The following PXK variants were observed in gnomAD, a reference collection of about 807,000 sequenced individuals.
PXK encodes PX domain-containing protein kinase-like protein.
A neutral mutation model predicts 84.7 loss-of-function variants in PXK; 35 were observed. The ratio of observed to expected loss-of-function variants is 0.41; its 90% CI spans 0.32 to 0.55. The LOEUF is 0.55. PXK is among the 20% of genes least tolerant of loss of function. The pLI, the probability that PXK is intolerant of heterozygous loss-of-function variation, is 0.21. For synonymous variants in PXK, 253 were observed against 260.8 expected (o/e 0.97, Z 0.29); for missense variants, 634 against 699.7 (o/e 0.91, Z 1.06).
chr3:58,372,633 T>C (rs1375890370), intron 3 of PXK, among the ~76,000 whole-genome samples: 150 of 149,656 alleles, frequency 1.0e-3, no homozygotes, highest in Non-Finnish European at 1.4e-3. Flanking sequence ...TTTTCTAAAG[T>C]TTTTTTTTTT....
chr3:58,420,254 G>A (rs1197294836), intron 17 of PXK, among the ~76,000 whole-genome samples: 1 of 152,020 alleles, frequency 6.6e-6, no homozygotes, highest in Non-Finnish European at 1.5e-5. Context: ...TATCTAACTG[G>A]CTCAGAGGAC....
At chr3:58,365,481 T>A (rs2098256419) in intron 1 of PXK, among the ~76,000 whole-genome samples, 1 of 152,244 alleles carries the variant, frequency 6.6e-6, no homozygotes, top group Non-Finnish European at 1.5e-5. Context: ...GCTCTATAAA[T>A]GCTAATTAAA....
intron 12 of PXK, among the ~76,000 whole-genome samples, chr3:58,403,041 G>GT (rs1371905952): frequency 7.2e-6 from 1 of 138,684 alleles, no homozygotes; most frequent in African/African-American, 2.7e-5. Flanking sequence ...GTCTTGCTCT[G>GT]TTGCCCAGGC....
At chr3:58,378,482 C>T (rs1576291473) in intron 3 of PXK, among the ~76,000 whole-genome samples, 2 of 93,494 alleles carry the variant, frequency 2.1e-5, no homozygotes, top group African/African-American at 8.5e-5. Context: ...ATTTGGACTT[C>T]ATTTTTCTTC....
At chr3:58,357,917 G>A (rs2098118879) in intron 1 of PXK, among the ~76,000 whole-genome samples, 1 of 151,686 alleles carries the variant, frequency 6.6e-6, no homozygotes. Context: ...GCCACTGCAT[G>A]CCACTGCATG....
intron 4 of PXK, among the ~76,000 whole-genome samples, chr3:58,386,917 G>A (rs1261633674): frequency 6.6e-6 from 1 of 152,158 alleles, no homozygotes; most frequent in Non-Finnish European, 1.5e-5. Context: ...GTGGACTCTG[G>A]GATATAAAAA....
rs1164831050 is a variant in PXK at position 58,414,540 on chromosome 3, A to G, written c.1528+1577A>G. ...TGAGAGAAAAAAAGAGGAATCTTGT[A>G]TAATTAGAGTCAATGTTGGGAAAAC... is the stretch of plus-strand genomic sequence containing the variant. On this transcript the variant is annotated intron_variant, in intron 17 of 17. Transcript: ENST00000356151. This position sits in a 1 kb window ranked among gnomAD's most constrained non-coding sequence, Gnocchi z 4.5. The G allele has an allele frequency of 6.6e-6, 1 of 152,214 alleles. No individual in the cohort carries two copies. The highest frequency in any genetic ancestry group is 1.5e-5 in the Non-Finnish European group (1 of 68,048). The allele number at this position is 152,214 out of a possible 1,614,324, so 9.4% of individuals were successfully genotyped here.
intron 13 of PXK, 48 bp from the exon 14 acceptor site, chr3:58,408,875 AT>A: frequency 7.2e-7 from 1 of 1,392,180 alleles, no homozygotes. Context: ...ACTTGGAAGT[AT>A]CTCCAGCCAC....
rs200635746 is a variant in PXK, at chr3:58,382,594, A to C, written c.282A>C (p.Lys94Asn). Residue 94 changes from lysine to asparagine, a missense_variant, in exon 4 of 18, where the codon AAA becomes AAC. By Grantham distance (94) the Lys-to-Asn change is moderately conservative. This residue lies in a region of PXK where 353 missense variants were observed against 385.2 expected (regional missense o/e 0.92). Transcript: ENST00000356151. ...MDREFIAERQ[K>N]GLQNYLNVIT... ...GTGAATTCATAGCTGAAAGGCAGAA[A>C]GGTCTTCAGAACTATCTCAACGTGA... is the stretch of plus-strand genomic sequence containing the variant. 1 of 1,608,418 alleles carries C rather than the reference A, an allele frequency of 6.2e-7. No individual in the cohort carries two copies. The highest frequency in any genetic ancestry group is 8.5e-7 in the Non-Finnish European group (1 of 1,178,208).
In PXK at chr3:58,401,464, A is replaced by G. The variant is rs1385414155; in HGVS notation, c.1181+2087A>G. ...CCCCATCTCTACAAAAAATACAACA[A>G]CAACAAAATTAGCTAGGCGTGGTGG... On this transcript the variant is annotated intron_variant, in intron 12 of 17. Transcript: ENST00000356151. This position sits in a 1 kb window ranked among gnomAD's most constrained non-coding sequence, Gnocchi z 4.4. 6.6e-6 allele frequency among the ~76,000 whole-genome samples: 1 copy of G among 152,116 alleles called. No individual in the cohort carries two copies. Among genetic ancestry groups the G allele is most frequent in the African/African-American group, 2.4e-5 (1 of 41,418 alleles).
In PXK at chr3:58,397,074, T is replaced by A; in HGVS notation, c.858T>A (p.Tyr286Ter). 6.2e-7 allele frequency: 1 copy of A among 1,614,246 alleles called. No individual in the cohort carries two copies. The highest frequency in any genetic ancestry group is 8.5e-7 in the Non-Finnish European group (1 of 1,180,030). Residue 286 changes from tyrosine (Y) to a stop codon, truncating the protein, a stop_gained, in exon 10 of 18, where the codon TAT becomes TAA. Transcript: ENST00000356151. LOFTEE classifies it high-confidence loss of function. This position sits in a 1 kb window ranked among gnomAD's most constrained non-coding sequence, Gnocchi z 4.7. ...TTCTTCATGACAAGGGATTCCCTTA[T>A]GGGCATCTTCACGCCTCCAATGTGA... ...LKFLHDKGFP[Y>*]GHLHASNVML...
intron 17 of PXK, among the ~76,000 whole-genome samples, chr3:58,420,356 CA>C (rs561332770): frequency 3.0e-4 from 45 of 152,356 alleles, no homozygotes; most frequent in Non-Finnish European, 4.3e-4. Context: ...AAAAGGCTCA[CA>C]ATCGTGTTTA....
At chr3:58,410,585 CGAT>C (rs1167891769) in intron 16 of PXK, among the ~76,000 whole-genome samples, 3 of 152,156 alleles carry the variant, frequency 2.0e-5, no homozygotes, top group African/African-American at 7.2e-5. Flanking sequence ...GGAAAGGACT[CGAT>C]GGTGTGTGGG....
Position 58,421,352 on chromosome 3 carries a change from C to A in PXK, c.1529-3400C>A. The A allele has an allele frequency of 2.1e-6, 2 of 966,426 alleles. No homozygotes were observed. The highest frequency in any genetic ancestry group is 1.1e-4 in the East Asian group (1 of 8,720). The allele number at this position is 966,426 out of a possible 1,614,324, so 59.9% of individuals were successfully genotyped here. On this transcript the variant is annotated intron_variant, in intron 17 of 17. Transcript: ENST00000356151. The surrounding 1 kb of genome is among the most constrained non-coding windows in gnomAD (Gnocchi z 5.5). ...ATCTCAGCACTTTGGGAGGCTGAGG[C>A]GGGCGGATCACAAGGATCAGGAGTT... is the stretch of plus-strand genomic sequence containing the variant.
Position 58,333,105 on chromosome 3 carries a change from G to C in PXK, c.102+15G>C, listed in dbSNP as rs1242411787. ...AGTCCCACACGGTGCGCGGCCCAGC[G>C]GGCGGGCGGGCGGCGTGGGGCGGCC... On this transcript the variant is annotated intron_variant, in intron 1 of 17. Transcript: ENST00000356151. This position sits in a 1 kb window ranked among gnomAD's most constrained non-coding sequence, Gnocchi z 5.4. 3.6e-6 allele frequency: 4 copies of C among 1,120,170 alleles called. No individual in the cohort carries two copies. Among genetic ancestry groups the C allele is most frequent in the Non-Finnish European group, 4.4e-6 (4 of 913,098 alleles). 69.4% of individuals were successfully genotyped at this position (1,120,170 alleles called of 1,614,324 possible).
At chr3:58,415,505 C>A (rs1010931545) in intron 17 of PXK, among the ~76,000 whole-genome samples, 6 of 152,262 alleles carry the variant, frequency 3.9e-5, no homozygotes, top group Admixed American at 6.5e-5. Context: ...TCCATGCCTT[C>A]CCTGGGCACA....
intron 17 of PXK, among the ~76,000 whole-genome samples, chr3:58,417,476 T>G (rs2061161730): frequency 6.6e-6 from 1 of 152,188 alleles, no homozygotes; most frequent in Non-Finnish European, 1.5e-5. Flanking sequence ...CTTTTCTTAC[T>G]GTAGCTTCTT....
chr3:58,390,783 T>C lies in PXK; in HGVS notation c.466+124T>C, dbSNP rs2098621922. 10 of 844,874 alleles carry C rather than the reference T, an allele frequency of 1.2e-5. No homozygotes were observed. The South Asian group carries it at 1.7e-4, about 15-fold the overall frequency. 52.3% of individuals were successfully genotyped at this position (844,874 alleles called of 1,614,324 possible). On this transcript the variant is annotated intron_variant, in intron 5 of 17. Coordinates refer to ENST00000356151, the MANE Select transcript of PXK (RefSeq NM_017771.5). The surrounding 1 kb of genome is among the most constrained non-coding windows in gnomAD (Gnocchi z 4.2). ...CAGGTGACTTCTTTTTCTTTTTGCATATCAACTGCTTGAGGATACAGCTGG... is the reference window on the plus strand; with the variant it reads ...CAGGTGACTTCTTTTTCTTTTTGCACATCAACTGCTTGAGGATACAGCTGG...
chr3:58,366,935 T>TTG (rs1402783167), intron 2 of PXK, among the ~76,000 whole-genome samples: 1 of 152,244 alleles, frequency 6.6e-6, no homozygotes, highest in Non-Finnish European at 1.5e-5. Flanking sequence ...TTCTTGGCTC[T>TTG]TATCAGGGAT....
Sources: gnomAD v4.1 joint callset for allele counts (sites outside exome capture counted in the v4.1 genomes callset) on GRCh38, gnomAD v4.1.1 for gene constraint, gnomAD v4.1.1 regional missense constraint, Gnocchi (gnomAD v3.1) non-coding constraint, MANE v1.5 for transcripts, NCBI Gene and HGNC (gene_info 2026-07-23, HGNC 2026-07-21) for gene names.